Variants in FAAH2 observed in about 807,000 individuals in gnomAD.
The protein encoded by FAAH2 is fatty acid amide hydrolase 2, also known as fatty-acid amide hydrolase 2.
A neutral mutation model predicts 36.9 loss-of-function variants in FAAH2; 60 were observed. That is an observed-to-expected ratio of 1.63 (90% CI 1.32 to 2.02). The LOEUF is 2.02. FAAH2 is among the 30% of genes most tolerant of loss of function. The pLI is 0.00. For synonymous variants in FAAH2, 214 were observed against 143.8 expected, an observed-to-expected ratio of 1.49 and a Z score of -3.49; for missense variants, 689 against 397.5, an observed-to-expected ratio of 1.73 and a Z score of -6.23.
chrX:57,237,195 A>G, the FAAH2 span, among the ~76,000 whole-genome samples: 1 of 111,292 alleles, frequency 9.0e-6, no homozygotes, highest in African/African-American at 3.3e-5. Flanking sequence ...TGGGTTCTCA[A>G]TTTTGTCGCA....
chrX:57,194,306 G>A, the FAAH2 span, among the ~76,000 whole-genome samples: 1 of 110,609 alleles, frequency 9.0e-6, no homozygotes, highest in South Asian at 3.8e-4. Context: ...TCAATTTATG[G>A]CATATAATTA....
the FAAH2 span, among the ~76,000 whole-genome samples, chrX:57,278,564 G>A: frequency 9.0e-6 from 1 of 110,889 alleles, no homozygotes; most frequent in African/African-American, 3.3e-5. Flanking sequence ...GGCAACAAAA[G>A]CCAAAATTGA....
At chrX:57,457,700 C>A (rs867726107) in intron 10 of FAAH2, among the ~76,000 whole-genome samples, 148 of 86,084 alleles carry the variant, frequency 1.7e-3, no homozygotes, top group Admixed American at 2.7e-3. Context: ...ACAATAGCCA[C>A]AAAAAAAAAA....
chrX:57,461,367 G>A (rs372179242), intron 10 of FAAH2, among the ~76,000 whole-genome samples: 1 of 111,270 alleles, frequency 9.0e-6, no homozygotes, highest in Non-Finnish European at 1.9e-5. Flanking sequence ...CTAACACCAC[G>A]TAGCACTTAT....
intron 2 of FAAH2, among the ~76,000 whole-genome samples, 165 bp downstream of exon 2, chrX:57,292,745 G>A (rs1490550309): frequency 9.0e-6 from 1 of 111,450 alleles, no homozygotes; most frequent in Admixed American, 9.6e-5. Context: ...GTCCTTTGTT[G>A]AGTGTTTATG....
intron 10 of FAAH2, among the ~76,000 whole-genome samples, chrX:57,481,782 C>T (rs1402192089): frequency 5.3e-5 from 6 of 112,279 alleles, no homozygotes; most frequent in Non-Finnish European, 7.5e-5. Context: ...GGGAGAATCC[C>T]TCTTGTCAGG....
At chrX:57,451,533 A>G (rs2056783588) in intron 10 of FAAH2, among the ~76,000 whole-genome samples, 1 of 111,651 alleles carries the variant, frequency 9.0e-6, no homozygotes, top group African/African-American at 3.3e-5. Context: ...TTTCTGGAAT[A>G]GGTGACCCCT....
At chrX:57,464,920 C>A (rs1329126892) in intron 10 of FAAH2, among the ~76,000 whole-genome samples, 1 of 111,402 alleles carries the variant, frequency 9.0e-6, no homozygotes, top group Admixed American at 9.6e-5. Context: ...TTATCTTGGA[C>A]TTAGAAGACA....
chrX:57,158,370 G>T, the FAAH2 span, among the ~76,000 whole-genome samples: 1 of 112,114 alleles, frequency 8.9e-6, no homozygotes, highest in East Asian at 2.8e-4. Context: ...ACCCAGTAAT[G>T]GGTGGCTGTG....
chrX:57,429,502 A>G (rs1041801255), intron 7 of FAAH2, among the ~76,000 whole-genome samples: 1 of 112,014 alleles, frequency 8.9e-6, no homozygotes, highest in Admixed American at 9.5e-5. Context: ...ATTACACCAC[A>G]GTAGCTATTA....
At chrX:57,479,004 G>GT (rs1230342656) in intron 10 of FAAH2, among the ~76,000 whole-genome samples, 1 of 111,579 alleles carries the variant, frequency 9.0e-6, no homozygotes, top group Non-Finnish European at 1.9e-5. Flanking sequence ...CTTTAAAGTA[G>GT]TTTTTCCCAA....
At chrX:57,395,901 G>A (rs2055283463) in intron 7 of FAAH2, among the ~76,000 whole-genome samples, 1 of 111,566 alleles carries the variant, frequency 9.0e-6, no homozygotes, top group Non-Finnish European at 1.9e-5. Flanking sequence ...TGATTTTTTG[G>A]CATAATTTAA....
chrX:57,140,763 A>G, the FAAH2 span, among the ~76,000 whole-genome samples: 5 of 111,567 alleles, frequency 4.5e-5, no homozygotes, highest in African/African-American at 6.5e-5. Context: ...TCACTTATAA[A>G]CGGGAGGCAA....
chrX:57,399,652 T>A (rs1362576564), intron 7 of FAAH2, among the ~76,000 whole-genome samples: 1 of 111,950 alleles, frequency 8.9e-6, no homozygotes, highest in East Asian at 2.8e-4. Context: ...AGTGTAAGAT[T>A]GCCACCTCTT....
the FAAH2 span, among the ~76,000 whole-genome samples, chrX:57,205,050 CCAGA>C: frequency 8.9e-6 from 1 of 112,072 alleles, no homozygotes; most frequent in Admixed American, 9.4e-5. Flanking sequence ...GGCATCTAGC[CCAGA>C]CAAAGTGAGA....
chrX:57,440,348 A>G, intron 8 of FAAH2, among the ~76,000 whole-genome samples: 1 of 111,038 alleles, frequency 9.0e-6, no homozygotes, highest in South Asian at 3.8e-4. Flanking sequence ...TAGATATTTT[A>G]TTCTCTTTGA....
In FAAH2 at chrX:57,305,497, A is replaced by G. The variant is rs182239612; in HGVS notation, c.276-5096A>G. 4.7e-4 allele frequency among the ~76,000 whole-genome samples: 52 copies of G among 111,399 alleles called. No individual in the cohort carries two copies. The Admixed American group carries it at 4.8e-3, about 10-fold the overall frequency. Reference sequence around the variant, plus strand: ...TGCTGTCACTTTAGTCCCAATCACCATCATCTTTGCCTACTGCAGTAATCT... The same window carrying G: ...TGCTGTCACTTTAGTCCCAATCACCGTCATCTTTGCCTACTGCAGTAATCT... On this transcript the variant is annotated intron_variant, in intron 2 of 10. Coordinates refer to ENST00000374900, the MANE Select transcript of FAAH2 (RefSeq NM_174912.4).
At chrX:57,457,696 G>A (rs2056885278) in intron 10 of FAAH2, among the ~76,000 whole-genome samples, 1 of 22,613 alleles carries the variant, frequency 4.4e-5, no homozygotes, top group Non-Finnish European at 1.3e-4. Context: ...ATTTACAATA[G>A]CCACAAAAAA....
At chrX:57,161,776 C>G in the FAAH2 span, among the ~76,000 whole-genome samples, 2 of 111,676 alleles carry the variant, frequency 1.8e-5, no homozygotes, top group East Asian at 5.6e-4. Flanking sequence ...GATGGGTCTC[C>G]TGAATACAGC....
Sources: allele counts gnomAD v4.1 joint callset (sites outside exome capture counted in the v4.1 genomes callset), GRCh38; gene constraint gnomAD v4.1.1; transcripts MANE v1.5; gene names NCBI Gene and HGNC (gene_info 2026-07-23, HGNC 2026-07-21).